Variants in DAP observed in about 807,000 individuals in gnomAD.
The protein encoded by DAP is death-associated protein 1.
DAP carries 8 observed loss-of-function variants against 13.8 expected under a neutral mutation model. The observed-to-expected ratio is 0.58, with a 90% CI of 0.34 to 1.05. DAP has a LOEUF of 1.05. DAP is among the 50% of genes least tolerant of loss of function. DAP has a pLI of 0.03. For missense variants in DAP, 106 were observed against 133.2 expected, an observed-to-expected ratio of 0.80 and a Z score of 1.01; for synonymous variants, 47 against 47.5, an observed-to-expected ratio of 0.99 and a Z score of 0.04.
chr5:10,698,858 C>T (rs1024481072), intron 2 of DAP, among the ~76,000 whole-genome samples: 1 of 152,128 alleles, frequency 6.6e-6, no homozygotes, highest in African/African-American at 2.4e-5. Context: ...AAGGTATGTT[C>T]CAAAGAACAA....
intron 2 of DAP, among the ~76,000 whole-genome samples, chr5:10,715,029 A>C (rs909943558): frequency 1.3e-5 from 2 of 152,172 alleles, no homozygotes; most frequent in African/African-American, 2.4e-5. Flanking sequence ...TATAGGGCAA[A>C]AATGGACTAA....
At chr5:10,689,512 G>C (rs1226792314) in intron 2 of DAP, among the ~76,000 whole-genome samples, 1 of 152,202 alleles carries the variant, frequency 6.6e-6, no homozygotes, top group African/African-American at 2.4e-5. Flanking sequence ...CCTTTGTGCT[G>C]AGTCATGACT....
At chr5:10,709,301 G>A (rs943725280) in intron 2 of DAP, among the ~76,000 whole-genome samples, 1 of 152,226 alleles carries the variant, frequency 6.6e-6, no homozygotes, top group Admixed American at 6.5e-5. Context: ...GTGAGTTACT[G>A]GGGAAAGAAG....
At chr5:10,725,903 T>C (rs895001431) in intron 2 of DAP, among the ~76,000 whole-genome samples, 4 of 152,228 alleles carry the variant, frequency 2.6e-5, no homozygotes, top group Middle Eastern at 3.2e-3. Flanking sequence ...ACTTACCTTG[T>C]AGGATGTGAA....
chr5:10,697,162 A>G (rs1241227740), intron 2 of DAP, among the ~76,000 whole-genome samples: 1 of 152,240 alleles, frequency 6.6e-6, no homozygotes, highest in Non-Finnish European at 1.5e-5. Flanking sequence ...TAGGTGGGCC[A>G]TCTCTAAAGA....
At chr5:10,683,114 GCTGCGGTCACAGCTCCACCAA>G in intron 3 of DAP, 1 of 244,274 alleles carries the variant, frequency 4.1e-6, no homozygotes, top group South Asian at 4.5e-5. Flanking sequence ...AGGTTGGCTG[GCTGCGGTCACAGCTCCACCAA>G]CAGTGGGCTG....
intron 2 of DAP, among the ~76,000 whole-genome samples, chr5:10,712,910 G>A (rs990535015): frequency 6.6e-6 from 1 of 152,128 alleles, no homozygotes; most frequent in Non-Finnish European, 1.5e-5. Context: ...ATGGATCTAG[G>A]TGGGGCTCCT....
intron 2 of DAP, among the ~76,000 whole-genome samples, chr5:10,739,817 AC>A (rs1271589079): frequency 6.8e-6 from 1 of 148,004 alleles, no homozygotes. Flanking sequence ...ACACACACAC[AC>A]ACGAATGGGT....
At chr5:10,758,755 G>A (rs58583280) in intron 1 of DAP, among the ~76,000 whole-genome samples, 24,388 of 152,170 alleles carry the variant, frequency 0.16, 2,135 homozygotes, top group East Asian at 0.31. Flanking sequence ...CAAGCTCACT[G>A]CTACACTAGC....
Position 10,679,288 on chromosome 5 carries a change from G to A in DAP, c.*1768C>T, listed in dbSNP as rs530744909. On this transcript the variant is annotated 3_prime_UTR_variant, in exon 4 of 4. Coordinates refer to ENST00000230895, the MANE Select transcript of DAP (RefSeq NM_004394.3). ...TTTAATATTCTTGAAGTTAACAACT[G>A]ATAAACTCATTTAGGCAAACATTTT... 1 of 152,492 alleles carries A rather than the reference G, an allele frequency of 6.6e-6. No homozygotes were observed. Among genetic ancestry groups the A allele is most frequent in the African/African-American group, 2.4e-5 (1 of 41,582 alleles). The allele number at this position is 152,492 out of a possible 1,614,324, so 9.4% of individuals were successfully genotyped here. A position where few individuals can be genotyped will look rare whatever the true frequency, so the allele number is the denominator to read the frequency against.
At chr5:10,710,364 T>G (rs958568327) in intron 2 of DAP, among the ~76,000 whole-genome samples, 1 of 152,216 alleles carries the variant, frequency 6.6e-6, no homozygotes, top group Non-Finnish European at 1.5e-5. Context: ...AGCCACAGAA[T>G]GGCCCTGGCA....
intron 1 of DAP, among the ~76,000 whole-genome samples, chr5:10,754,511 T>C (rs1201223172): frequency 6.6e-6 from 1 of 152,158 alleles, no homozygotes; most frequent in Non-Finnish European, 1.5e-5. Flanking sequence ...AGAGACATAG[T>C]GGGACCCCCC....
chr5:10,712,242 G>C (rs920765935), intron 2 of DAP, among the ~76,000 whole-genome samples: 1 of 152,134 alleles, frequency 6.6e-6, no homozygotes, highest in Non-Finnish European at 1.5e-5. Context: ...CTGACACCTT[G>C]GTCTTTCAAC....
intron 2 of DAP, among the ~76,000 whole-genome samples, chr5:10,739,867 A>G (rs758493198): frequency 4.6e-5 from 7 of 151,892 alleles, no homozygotes; most frequent in Non-Finnish European, 8.8e-5. Context: ...GACTGATGTA[A>G]ATATTATTTA....
intron 2 of DAP, among the ~76,000 whole-genome samples, chr5:10,716,149 C>G (rs1050425948): frequency 6.6e-6 from 1 of 152,096 alleles, no homozygotes; most frequent in Admixed American, 6.6e-5. Context: ...GTGATGAGAA[C>G]GTGACAGGGG....
intron 3 of DAP, 106 bp downstream of exon 3, chr5:10,683,423 G>A (rs1213371841): frequency 8.4e-6 from 9 of 1,072,426 alleles, no homozygotes; most frequent in Admixed American, 6.8e-5. Context: ...GATGAGCAGT[G>A]GTGCTGGGTT....
intron 1 of DAP, among the ~76,000 whole-genome samples, chr5:10,754,779 T>C (rs560376421): frequency 1.9e-4 from 29 of 152,280 alleles, no homozygotes; most frequent in African/African-American, 6.7e-4. Context: ...TGGGAATTGG[T>C]TGAGGCTAGG....
intron 2 of DAP, among the ~76,000 whole-genome samples, chr5:10,745,158 T>A (rs1053124619): frequency 3.3e-5 from 5 of 151,776 alleles, no homozygotes; most frequent in Non-Finnish European, 5.9e-5. Context: ...GGAGTGGGAG[T>A]GCATGGTGGT....
intron 1 of DAP, among the ~76,000 whole-genome samples, chr5:10,758,233 T>C (rs1024826207): frequency 6.6e-6 from 1 of 150,838 alleles, no homozygotes; most frequent in Non-Finnish European, 1.5e-5. Flanking sequence ...AAAAACTATC[T>C]ACCCTTCAGA....
Sources: gnomAD v4.1 joint callset for allele counts (sites outside exome capture counted in the v4.1 genomes callset) on GRCh38, gnomAD v4.1.1 for gene constraint, MANE v1.5 for transcripts, NCBI Gene and HGNC (gene_info 2026-07-23, HGNC 2026-07-21) for gene names.